PREX1: variants seen among roughly 807,000 people sequenced by gnomAD.
The protein encoded by PREX1 is phosphatidylinositol 3,4,5-trisphosphate-dependent Rac exchanger 1 protein.
In PREX1, 41 loss-of-function variants were observed where a neutral mutation model predicts 198.3. The observed-to-expected ratio is 0.21, with a 90% confidence interval of 0.16 to 0.27. The LOEUF is 0.27. Ranked by LOEUF, PREX1 falls within the 10% of genes least tolerant of loss-of-function variation. The probability of loss-of-function intolerance (pLI) is 1.00; values close to 1 mark genes in which losing one functional copy is unlikely to be tolerated. For synonymous variants in PREX1, 843 were observed against 887.2 expected, an observed-to-expected ratio of 0.95 and a Z score of 0.89; for missense variants, 1,620 against 2,200.7, an observed-to-expected ratio of 0.74 and a Z score of 5.28.
chr20:48,667,627 G>T lies in PREX1; in HGVS notation c.1666-1272C>A, dbSNP rs143987128. 1.2e-3 allele frequency among the ~76,000 whole-genome samples: 179 copies of T among 152,334 alleles called. 3 individuals carry two copies. The South Asian group carries it at 0.016, about 14-fold the overall frequency. On this transcript the variant is annotated intron_variant, in intron 14 of 39. Transcript: ENST00000371941. ...AGTTGGGCTTGTTATCCTGGCAAAT[G>T]AAAATATTCCAAACTGATACAATTT...
intron 1 of PREX1, among the ~76,000 whole-genome samples, chr20:48,823,934 T>TAA (rs2090498288): frequency 6.6e-6 from 1 of 152,140 alleles, no homozygotes; most frequent in African/African-American, 2.4e-5. Flanking sequence ...TCAATGGGGA[T>TAA]AAAAACAGCA....
rs1406993360 is a variant in PREX1, at chr20:48,651,525, G to A, written c.2526C>T (p.Val842=). 1 of 1,614,198 alleles carries A rather than the reference G, an allele frequency of 6.2e-7. No individual in the cohort carries two copies. The highest frequency in any genetic ancestry group is 8.5e-7 in the Non-Finnish European group (1 of 1,180,030). ...GGTGCACGTTGTCCACAGTCAGGGT[G>A]ACCATGGGGCTGTCCTCACACAGGC... The part of the protein sequence containing the change: ...RLSLCEDSPM[V]TLTVDNVHLE... The change falls in exon 22 of 40, where the codon GTC becomes GTT. Residue 842 remains valine (V), a synonymous_variant. Coordinates refer to ENST00000371941, the MANE Select transcript of PREX1 (RefSeq NM_020820.4).
At chr20:48,750,909 G>A (rs2090131331) in intron 1 of PREX1, among the ~76,000 whole-genome samples, 1 of 152,182 alleles carries the variant, frequency 6.6e-6, no homozygotes, top group Non-Finnish European at 1.5e-5. Context: ...GTGACCTCAG[G>A]AAAGTGCACT....
chr20:48,829,915 A>G (rs188820133), upstream of PREX1, among the ~76,000 whole-genome samples: 26 of 152,288 alleles, frequency 1.7e-4, no homozygotes, highest in Non-Finnish European at 3.5e-4. Context: ...AGCGAATTCT[A>G]TGCAATACAG....
chr20:48,845,589 C>A, the PREX1 span, among the ~76,000 whole-genome samples: 1 of 151,554 alleles, frequency 6.6e-6, no homozygotes, highest in Non-Finnish European at 1.5e-5. Flanking sequence ...TTAGTCCCAG[C>A]TACTCTGGAG....
chr20:48,705,064 T>G (rs971555365), intron 6 of PREX1, among the ~76,000 whole-genome samples: 1 of 152,172 alleles, frequency 6.6e-6, no homozygotes, highest in Admixed American at 6.5e-5. Flanking sequence ...CCTCCTGACA[T>G]GTATTGGGCG....
At chr20:48,700,456 T>A in intron 7 of PREX1, among the ~76,000 whole-genome samples, 1 of 152,332 alleles carries the variant, frequency 6.6e-6, no homozygotes, top group African/African-American at 2.4e-5. Flanking sequence ...TTTTAAATAA[T>A]AATTACATGT....
chr20:48,633,117 A>G (rs1408939228), intron 33 of PREX1, among the ~76,000 whole-genome samples: 1 of 152,144 alleles, frequency 6.6e-6, no homozygotes, highest in Non-Finnish European at 1.5e-5. Flanking sequence ...TGGCACCCAG[A>G]CCCCATCCTG....
intron 25 of PREX1, 72 bp downstream of exon 25, chr20:48,649,228 C>A: frequency 6.4e-7 from 1 of 1,556,132 alleles, no homozygotes. Context: ...TGATGCTACC[C>A]ACAATGTCAG....
chr20:48,742,010 C>G (rs2090084513), intron 3 of PREX1, among the ~76,000 whole-genome samples: 1 of 152,148 alleles, frequency 6.6e-6, no homozygotes, highest in Admixed American at 6.5e-5. Flanking sequence ...TTGAAGAGAT[C>G]TGATTGATGT....
chr20:48,748,944 G>T (rs1806658513), intron 1 of PREX1, among the ~76,000 whole-genome samples: 1 of 152,222 alleles, frequency 6.6e-6, no homozygotes, highest in African/African-American at 2.4e-5. Flanking sequence ...TTTAGGGGTT[G>T]TGAGTAAAAG....
intron 10 of PREX1, among the ~76,000 whole-genome samples, chr20:48,683,980 G>A (rs147986603): frequency 0.011 from 1,646 of 152,188 alleles, 10 homozygotes; most frequent in Non-Finnish European, 0.018. Flanking sequence ...AGGGCAGCTA[G>A]GTCCAAGCTC....
chr20:48,722,052 G>A (rs111945825), intron 5 of PREX1, among the ~76,000 whole-genome samples: 12 of 152,268 alleles, frequency 7.9e-5, no homozygotes, highest in Admixed American at 2.0e-4. Context: ...GAAACTCAAC[G>A]GGCCGGAAGA....
At chr20:48,651,149 C>A in intron 22 of PREX1, 94 bp from the exon 23 acceptor site, 4 of 1,459,980 alleles carry the variant, frequency 2.7e-6, no homozygotes, top group East Asian at 2.4e-5. Context: ...CTCGTAATAC[C>A]CCCCGGGAAG....
chr20:48,674,135 C>A (rs1177721100), intron 14 of PREX1, among the ~76,000 whole-genome samples: 1 of 152,190 alleles, frequency 6.6e-6, no homozygotes, highest in African/African-American at 2.4e-5. Context: ...CACAGACATG[C>A]AAATTGGAAT....
At chr20:48,882,155 T>G in the PREX1 span, among the ~76,000 whole-genome samples, 1 of 152,162 alleles carries the variant, frequency 6.6e-6, no homozygotes, top group South Asian at 2.1e-4. Context: ...AACCATCAAT[T>G]GATGGACATT....
chr20:48,859,073 A>T, the PREX1 span, among the ~76,000 whole-genome samples: 2 of 151,434 alleles, frequency 1.3e-5, no homozygotes, highest in South Asian at 2.1e-4. Context: ...TTATTTTTTT[A>T]AATTTTTTGT....
chr20:48,727,697 G>A (rs931678168), intron 4 of PREX1, among the ~76,000 whole-genome samples: 1 of 152,084 alleles, frequency 6.6e-6, no homozygotes, highest in Non-Finnish European at 1.5e-5. Context: ...GGTTGACACC[G>A]AGTCTGGGAT....
At chr20:48,791,178 A>G (rs1360399265) in intron 1 of PREX1, among the ~76,000 whole-genome samples, 1 of 151,662 alleles carries the variant, frequency 6.6e-6, no homozygotes, top group Non-Finnish European at 1.5e-5. Context: ...CACTAATATC[A>G]CTCCCTTCGG....
Sources: gnomAD v4.1 joint callset for allele counts (sites outside exome capture counted in the v4.1 genomes callset) on GRCh38, gnomAD v4.1.1 for gene constraint, MANE v1.5 for transcripts, NCBI Gene and HGNC (gene_info 2026-07-23, HGNC 2026-07-21) for gene names.